The following TLR6 variants were observed in gnomAD, a reference collection of about 807,000 sequenced individuals.
TLR6 encodes toll-like receptor 6.
TLR6 carries 9 observed loss-of-function variants against 16.1 expected under a neutral mutation model. The ratio of observed to expected loss-of-function variants is 0.56; its 90% CI spans 0.34 to 0.98. The LOEUF (loss-of-function observed/expected upper bound fraction) is 0.98, where lower values mean the gene tolerates loss of function less well. Among genes scored for constraint, TLR6 ranks in the 50% least tolerant of loss-of-function variants. The pLI, the probability that TLR6 is intolerant of heterozygous loss-of-function variation, is 0.02. For missense variants in TLR6, 786 were observed against 921.0 expected (o/e 0.85, Z 1.90); for synonymous variants, 340 against 338.6 (o/e 1.00, Z -0.04).
upstream of TLR6, among the ~76,000 whole-genome samples, chr4:38,858,776 G>GGGA (rs1713099794): frequency 3.1e-5 from 1 of 32,546 alleles, no homozygotes; most frequent in African/African-American, 2.3e-4. Context: ...AGAGAGAGAG[G>GGGA]GAGAGAGAGA....
At chr4:38,824,381 C>G (rs905677863) in exon 2 of TLR6, 1 of 152,172 alleles carries the variant, frequency 6.6e-6, no homozygotes, top group African/African-American at 2.4e-5. Flanking sequence ...AAGAATGTGA[C>G]GGAGAGGACT....
chr4:38,856,848 G>A (rs1478343245), upstream of TLR6: 1 of 151,954 alleles, frequency 6.6e-6, no homozygotes, highest in South Asian at 2.1e-4. Context: ...AGTTCTTAAA[G>A]TTGAGTAAAG....
At chr4:38,861,650 T>C (rs116839203), upstream of TLR6, among the ~76,000 whole-genome samples, 910 of 152,310 alleles carry the variant, frequency 6.0e-3, 7 homozygotes, top group African/African-American at 0.021. Context: ...ACTTGAAATG[T>C]ATGACTAGAT....
At chr4:38,827,238 T>A in exon 2 of TLR6, 1 of 1,614,196 alleles carries the variant, frequency 6.2e-7, no homozygotes, top group Non-Finnish European at 8.5e-7. Context: ...TGGTACTTGT[T>A]GGGAATGCTG....
chr4:38,828,016 A>G (rs778364914), exon 2 of TLR6: 1 of 1,614,200 alleles, frequency 6.2e-7, no homozygotes, highest in East Asian at 2.2e-5. Flanking sequence ...CAGGAAGGTC[A>G]GTTAAAGAAT....
exon 2 of TLR6, chr4:38,828,685 C>G (rs1486762165): frequency 6.2e-7 from 1 of 1,614,004 alleles, no homozygotes; most frequent in African/African-American, 1.3e-5. Context: ...CCAGGCATTT[C>G]CAAGTCGTTT....
intron 1 of TLR6, among the ~76,000 whole-genome samples, chr4:38,851,285 G>T (rs1414656222): frequency 6.6e-6 from 1 of 152,150 alleles, no homozygotes; most frequent in South Asian, 2.1e-4. Flanking sequence ...TACTGAATGG[G>T]CAAAAACTGG....
chr4:38,848,661 C>A (rs974912307), intron 1 of TLR6, among the ~76,000 whole-genome samples: 4 of 152,104 alleles, frequency 2.6e-5, no homozygotes, highest in African/African-American at 9.7e-5. Context: ...ATTTGATCAA[C>A]TGGAAGAAAG....
intron 1 of TLR6, among the ~76,000 whole-genome samples, chr4:38,844,319 G>A (rs182643210): frequency 2.6e-5 from 4 of 152,202 alleles, no homozygotes; most frequent in African/African-American, 7.2e-5. Context: ...GTTGGGCAAC[G>A]ATAGGAGAAG....
intron 1 of TLR6, among the ~76,000 whole-genome samples, chr4:38,829,927 A>G (rs1369545606): frequency 6.6e-6 from 1 of 152,254 alleles, no homozygotes; most frequent in Non-Finnish European, 1.5e-5. Flanking sequence ...AGAGGGGGCA[A>G]GCAGCAGACA....
chr4:38,843,901 C>T (rs566160817), intron 1 of TLR6: 2 of 152,334 alleles, frequency 1.3e-5, no homozygotes, highest in South Asian at 4.1e-4. Flanking sequence ...CAAGCTTTGT[C>T]TCAGGAAAAT....
intron 1 of TLR6, among the ~76,000 whole-genome samples, chr4:38,844,864 G>T (rs901536312): frequency 6.6e-6 from 1 of 152,094 alleles, no homozygotes; most frequent in Admixed American, 6.6e-5. Flanking sequence ...GACCAGCCTT[G>T]CCAACATGGT....
In TLR6 at chr4:38,849,059, A is replaced by G. The variant is rs532517611; in HGVS notation, c.-65+7702T>C. On this transcript the variant is annotated intron_variant, in intron 1 of 1. Transcript: ENST00000436693. ...TTGGGTTACCCACAAAGGGAAGCCC[A>G]TCAGACTAACAGCTGATCTCTCGGC... 1.5e-3 allele frequency among the ~76,000 whole-genome samples: 226 copies of G among 152,378 alleles called. 1 individual carries two copies. Among genetic ancestry groups the G allele is most frequent in the African/African-American group, 4.9e-3 (202 of 41,584 alleles).
chr4:38,831,648 T>C (rs758470116), intron 1 of TLR6, among the ~76,000 whole-genome samples: 12 of 152,208 alleles, frequency 7.9e-5, no homozygotes, highest in Admixed American at 3.3e-4. Flanking sequence ...TGCAAAGAAC[T>C]CTTAAGCTCC....
chr4:38,828,759 T>C (rs1259319221), exon 2 of TLR6: 1 of 1,613,748 alleles, frequency 6.2e-7, no homozygotes, highest in East Asian at 2.2e-5. Context: ...AAAAATTTAA[T>C]GAAAACTTGA....
chr4:38,843,497 CTTT>C (rs1321606646), intron 1 of TLR6: 2 of 152,196 alleles, frequency 1.3e-5, no homozygotes, highest in Non-Finnish European at 2.9e-5. Context: ...AAAGGGTCCA[CTTT>C]TCACCATCAG....
exon 2 of TLR6, chr4:38,829,273 A>C (rs1258759800): frequency 3.7e-6 from 6 of 1,614,210 alleles, no homozygotes; most frequent in South Asian, 3.3e-5. Flanking sequence ...CAGAGACCTG[A>C]AGCTCAGCGA....
the TLR6 span, among the ~76,000 whole-genome samples, chr4:38,865,655 G>A: frequency 1.9e-3 from 290 of 152,246 alleles, 2 homozygotes; most frequent in African/African-American, 6.7e-3. Flanking sequence ...GATAACACTC[G>A]CAAAGCCAGA....
At chr4:38,853,379 T>TAA (rs1391372464) in intron 1 of TLR6, among the ~76,000 whole-genome samples, 2 of 137,894 alleles carry the variant, frequency 1.5e-5, no homozygotes, top group African/African-American at 5.1e-5. Context: ...TAAAGTATAA[T>TAA]AATAAAAAAA....
Sources: gnomAD v4.1 joint callset for allele counts (sites outside exome capture counted in the v4.1 genomes callset) on GRCh38, gnomAD v4.1.1 for gene constraint, MANE v1.5 for transcripts, NCBI Gene and HGNC (gene_info 2026-07-23, HGNC 2026-07-21) for gene names.